Variants in HOXA13 observed in about 807,000 individuals in gnomAD.
HOXA13 encodes homeobox A13.
HOXA13 carries 5 observed loss-of-function variants against 25.7 expected under a neutral mutation model. The observed-to-expected ratio is 0.19, with a 90% CI of 0.10 to 0.41. The LOEUF is 0.41. Among genes scored for constraint, HOXA13 ranks in the 10% least tolerant of loss-of-function variants. HOXA13 has a pLI of 1.00. For missense variants in HOXA13, 557 were observed against 533.5 expected, an observed-to-expected ratio of 1.04 and a Z score of -0.43; for synonymous variants, 284 against 241.1, an observed-to-expected ratio of 1.18 and a Z score of -1.65.
At chr7:27,198,610 A>G in intron 1 of HOXA13, 168 bp from the exon 2 acceptor site, 1 of 755,208 alleles carries the variant, frequency 1.3e-6, no homozygotes, top group Non-Finnish European at 2.2e-6. Flanking sequence ...GAAGGTAGTT[A>G]GTTCTGAACT....
chr7:27,199,436 G>T lies in HOXA13; in HGVS notation c.642C>A (p.Ala214=), dbSNP rs777016740. 6 of 1,613,592 alleles carry T rather than the reference G, an allele frequency of 3.7e-6. No individual in the cohort carries two copies. Among genetic ancestry groups the T allele is most frequent in the Non-Finnish European group, 1.7e-6 (2 of 1,179,942 alleles). ...AAFADKYMDT[A]GPAAEEFSSR... ...AGCTGAACTCCTCGGCAGCTGGGCC[G>T]GCGGTATCCATGTACTTGTCCGCGA... The change falls in exon 1 of 2, where the codon GCC becomes GCA. Residue 214 remains alanine (A), a synonymous_variant. Transcript: ENST00000649031.
rs1295731382 is a variant in HOXA13 at position 27,199,341 on chromosome 7, A to G, written c.737T>C (p.Met246Thr). 2 of 1,614,080 alleles carry G rather than the reference A, an allele frequency of 1.2e-6. No homozygotes were observed. The highest frequency in any genetic ancestry group is 2.2e-5 in the South Asian group (2 of 91,084). ...CACTGGCATATCCAGGTAGCCAGGCATGGGCTGATGGTGGTGGTAAGGCCC... is the reference window on the plus strand; with the variant it reads ...CACTGGCATATCCAGGTAGCCAGGCGTGGGCTGATGGTGGTGGTAAGGCCC... Reference protein sequence around the residue: ...AAGPYHHHQPMPGYLDMPVVP... With the variant: ...AAGPYHHHQPTPGYLDMPVVP... Residue 246 changes from methionine to threonine, a missense_variant, in exon 1 of 2, where the codon ATG becomes ACG. By Grantham distance (81) the Met-to-Thr change is moderately conservative. Transcript: ENST00000649031.
chr7:27,198,765 C>T (rs1784041170), intron 1 of HOXA13: 1 of 511,776 alleles, frequency 2.0e-6, no homozygotes, highest in African/African-American at 1.9e-5. Flanking sequence ...GTGCCTGCCT[C>T]CTTTCTGGGT....
rs753974964 is a variant in HOXA13 at position 27,199,177 on chromosome 7, G to A, written c.901C>T (p.Leu301Phe). The change falls in exon 1 of 2, where the codon CTC becomes TTC. Residue 301 changes from leucine (L) to phenylalanine (F), a missense_variant. Physicochemically the swap from Leu to Phe is conservative, Grantham distance 22. Transcript: ENST00000649031. ...TTACCGGGCAGAGTGGACTTCCAGA[G>A]GTGGGGAGGCTGCGCCTGCTCTTTG... Reference protein sequence around the residue: ...CPKEQAQPPHLWKSTLPDVVS... With the variant: ...CPKEQAQPPHFWKSTLPDVVS... The A allele has an allele frequency of 2.5e-6, 4 of 1,612,304 alleles. No homozygotes were observed. Among genetic ancestry groups the A allele is most frequent in the Non-Finnish European group, 3.4e-6 (4 of 1,179,418 alleles).
In HOXA13 at chr7:27,197,362, G is replaced by A. The variant is rs1784016088; in HGVS notation, c.*836C>T. 2 of 213,770 alleles carry A rather than the reference G, an allele frequency of 9.4e-6. No individual in the cohort carries two copies. Among genetic ancestry groups the A allele is most frequent in the African/African-American group, 4.5e-5 (2 of 44,294 alleles). The allele number at this position is 213,770 out of a possible 1,614,324, so 13.2% of individuals were successfully genotyped here. A position where few individuals can be genotyped will look rare whatever the true frequency, so the allele number is the denominator to read the frequency against. On this transcript the variant is annotated 3_prime_UTR_variant, in exon 2 of 2. Transcript: ENST00000649031. ...ATCATGTTGGGATGGAAACTCTCGG[G>A]AGATCTCACATAAAGTGAATTCTGT...
chr7:27,198,499 G>C, intron 1 of HOXA13, 57 bp from the exon 2 acceptor site: 2 of 1,607,810 alleles, frequency 1.2e-6, no homozygotes, highest in Non-Finnish European at 1.7e-6. Context: ...CCAGGGCATA[G>C]GCGACAGCTC....
rs1369225868 is a variant in HOXA13 at position 27,198,461 on chromosome 7, G to A, written c.923-19C>T. 2 of 1,613,006 alleles carry A rather than the reference G, an allele frequency of 1.2e-6. No individual in the cohort carries two copies. ...ACCACGTCTAGAAGACAAGGGAGAA[G>A]GCAAGTTACACAGGGATCGGACCCC... is the stretch of plus-strand genomic sequence containing the variant. On this transcript the variant is annotated intron_variant, in intron 1 of 1. Transcript: ENST00000649031.
chr7:27,199,385 G>A lies in HOXA13; in HGVS notation c.693C>T (p.Tyr231=), dbSNP rs765266290. 4 of 1,614,122 alleles carry A rather than the reference G, an allele frequency of 2.5e-6. No individual in the cohort carries two copies. In the East Asian group the frequency reaches 6.7e-5, roughly 27 times the overall value. The stretch of plus-strand genomic sequence containing the variant: ...AAGGCCCGGCTGCGTAGCCCTGGTG[G>A]TAGAAGGCGAACTCCTTAGCGCGGG... ...FSSRAKEFAF[Y]HQGYAAGPYH... The change falls in exon 1 of 2, where the codon TAC becomes TAT. Residue 231 remains tyrosine, a synonymous_variant. Coordinates refer to ENST00000649031, the MANE Select transcript of HOXA13 (RefSeq NM_000522.5).
intron 1 of HOXA13, 38 bp from the exon 2 acceptor site, chr7:27,198,480 G>T (rs778664741): frequency 6.2e-7 from 1 of 1,611,290 alleles, no homozygotes; most frequent in South Asian, 1.1e-5. Context: ...CACAGGGATC[G>T]GACCCCAGCC....
At position 27,199,655 on chromosome 7, in the gene HOXA13, C is replaced by T. The variant is rs1784064955; in HGVS notation, c.423G>A (p.Pro141=). The part of the protein sequence containing the change: ...AAASSSGGPG[P]AGPAGAEAAK... Reference sequence around the variant, plus strand: ...CGGCCTCTGCGCCCGCCGGGCCCGCCGGGCCGGGACCTCCCGAGGACGACG... The same window carrying T: ...CGGCCTCTGCGCCCGCCGGGCCCGCTGGGCCGGGACCTCCCGAGGACGACG... The change falls in exon 1 of 2, where the codon CCG becomes CCA. Residue 141 remains proline, a synonymous_variant. Transcript: ENST00000649031. 3 of 1,244,016 alleles carry T rather than the reference C, an allele frequency of 2.4e-6. No homozygotes were observed. Among genetic ancestry groups the T allele is most frequent in the Admixed American group, 4.5e-5 (1 of 22,266 alleles). 77.1% of individuals were successfully genotyped at this position (1,244,016 alleles called of 1,614,324 possible). A position where few individuals can be genotyped will look rare whatever the true frequency, so the allele number is the denominator to read the frequency against.
At chr7:27,198,783 C>A in intron 1 of HOXA13, 1 of 496,668 alleles carries the variant, frequency 2.0e-6, no homozygotes, top group Non-Finnish European at 3.6e-6. Flanking sequence ...GGTGCCCGTC[C>A]CAATACTCGA....
Position 27,199,530 on chromosome 7 carries a change from C to A in HOXA13, c.548G>T (p.Arg183Leu), listed in dbSNP as rs761927877. ...GATGGCGTTGGGGTGCGGGCCCATG[C>A]GGGCGCACGGGTAGTAGCCGCTGCC... Reference protein sequence around the residue: ...YFGSGYYPCARMGPHPNAIKS... With the variant: ...YFGSGYYPCALMGPHPNAIKS... Residue 183 changes from arginine to leucine, a missense_variant, in exon 1 of 2, where the codon CGC (arginine) becomes CTC (leucine). Arg to Leu is a moderately radical substitution (Grantham distance 102). Transcript: ENST00000649031. The A allele has an allele frequency of 3.1e-6, 5 of 1,588,402 alleles. No individual in the cohort carries two copies. Among genetic ancestry groups the A allele is most frequent in the Non-Finnish European group, 1.7e-6 (2 of 1,168,600 alleles).
Position 27,199,679 on chromosome 7 carries a change from CGCGGCGGCG to C in HOXA13, c.390_398del (p.Ala131_Ala133del), listed in dbSNP as rs955237055. The stretch of plus-strand genomic sequence containing the variant: ...CCGGGCCGGGACCTCCCGAGGACGA[CGCGGCGGCG>C]GCGGCGGCGGCTGCAGCGGCAGCCG... On this transcript the variant is annotated inframe_deletion, in exon 1 of 2. Transcript: ENST00000649031. 4.0e-5 allele frequency: 46 copies of C among 1,160,862 alleles called. No homozygotes were observed. The highest frequency in any genetic ancestry group is 5.0e-5 in the African/African-American group (3 of 59,784). The allele number at this position is 1,160,862 out of a possible 1,614,324, so 71.9% of individuals were successfully genotyped here.
Position 27,196,928 on chromosome 7 carries a change from A to C in HOXA13, c.*1270T>G, listed in dbSNP as rs1784010709. On this transcript the variant is annotated 3_prime_UTR_variant, in exon 2 of 2. Coordinates refer to ENST00000649031, the MANE Select transcript of HOXA13 (RefSeq NM_000522.5). ...TTAATATTACGATATCACTATCTAC[A>C]GGTCTAAGGGTTTTTTTTTTTCATT... 1 of 106,674 alleles carries C rather than the reference A, an allele frequency of 9.4e-6. No homozygotes were observed. The highest frequency in any genetic ancestry group is 1.8e-5 in the Non-Finnish European group (1 of 55,742). The allele number at this position is 106,674 out of a possible 1,614,324, so 6.6% of individuals were successfully genotyped here.
intron 1 of HOXA13, 104 bp downstream of exon 1, chr7:27,199,052 G>C: frequency 8.8e-7 from 1 of 1,137,878 alleles, no homozygotes; most frequent in East Asian, 2.4e-5. Flanking sequence ...CGCTAGGGCA[G>C]ACCAGGAAGA....
In HOXA13 at chr7:27,194,529, G is replaced by C. The variant is rs950648626; in HGVS notation, c.*3669C>G. The C allele has an allele frequency of 6.6e-5, 10 of 151,950 alleles. No homozygotes were observed. The highest frequency in any genetic ancestry group is 5.9e-5 in the Non-Finnish European group (4 of 68,002). The allele number at this position is 151,950 out of a possible 1,614,324, so 9.4% of individuals were successfully genotyped here. On this transcript the variant is annotated 3_prime_UTR_variant, in exon 2 of 2. Coordinates refer to ENST00000649031, the MANE Select transcript of HOXA13 (RefSeq NM_000522.5). ...TGGTCTCTCCTTGATTTTTGTTTTTGTTTTTGTTTTTGTTTTAAGGTTTTA... is the reference window on the plus strand; with the variant it reads ...TGGTCTCTCCTTGATTTTTGTTTTTCTTTTTGTTTTTGTTTTAAGGTTTTA...
chr7:27,196,571 C>T lies in HOXA13; in HGVS notation c.*1627G>A, dbSNP rs1370043964. ...AGATTTTAAAATACGACAGCCTAGG[C>T]ATTGCTGCTACAAAACAACTGGTTT... On this transcript the variant is annotated 3_prime_UTR_variant, in exon 2 of 2. Coordinates refer to ENST00000649031, the MANE Select transcript of HOXA13 (RefSeq NM_000522.5). The T allele has an allele frequency of 1.3e-5, 2 of 152,238 alleles. No individual in the cohort carries two copies. Among genetic ancestry groups the T allele is most frequent in the African/African-American group, 4.8e-5 (2 of 41,466 alleles). 9.4% of individuals were successfully genotyped at this position (152,238 alleles called of 1,614,324 possible). A position where few individuals can be genotyped will look rare whatever the true frequency, so the allele number is the denominator to read the frequency against.
chr7:27,195,696 A>G lies in HOXA13; in HGVS notation c.*2502T>C, dbSNP rs1056744471. 6 of 152,210 alleles carry G rather than the reference A, an allele frequency of 3.9e-5. No individual in the cohort carries two copies. The highest frequency in any genetic ancestry group is 1.4e-4 in the African/African-American group (6 of 41,450). 9.4% of individuals were successfully genotyped at this position (152,210 alleles called of 1,614,324 possible). ...AGCAGTACTCAGCTCTGAGTTATCC[A>G]GGATAACTCTCGTTCTGTATCCAAT... On this transcript the variant is annotated 3_prime_UTR_variant, in exon 2 of 2. Coordinates refer to ENST00000649031, the MANE Select transcript of HOXA13 (RefSeq NM_000522.5).
At position 27,199,442 on chromosome 7, in the gene HOXA13, A is replaced by G. The variant is rs1037859090; in HGVS notation, c.636T>C (p.Asp212=). Residue 212 remains aspartate, a synonymous_variant, in exon 1 of 2, where the codon GAT becomes GAC. Transcript: ENST00000649031. The stretch of plus-strand genomic sequence containing the variant: ...ACTCCTCGGCAGCTGGGCCGGCGGT[A>G]TCCATGTACTTGTCCGCGAAGGCGG... The part of the protein sequence containing the change: ...AAAAFADKYM[D]TAGPAAEEFS... 27 of 1,613,482 alleles carry G rather than the reference A, an allele frequency of 1.7e-5. No individual in the cohort carries two copies. The African/African-American group carries it at 3.6e-4, about 22-fold the overall frequency.
Sources: gnomAD v4.1 joint callset for allele counts on GRCh38, gnomAD v4.1.1 for gene constraint, MANE v1.5 for transcripts, NCBI Gene and HGNC (gene_info 2026-07-23, HGNC 2026-07-21) for gene names.